Variants in SH3RF3 observed in about 807,000 individuals in gnomAD.
SH3RF3 encodes SH3 domain containing ring finger 3.
Under a neutral mutation model 66.3 loss-of-function variants are expected in SH3RF3, and 29 were observed. The observed-to-expected ratio is 0.44, with a 90% CI of 0.33 to 0.60. The LOEUF (loss-of-function observed/expected upper bound fraction) is 0.60. Ranked by LOEUF, SH3RF3 falls within the 20% of genes least tolerant of loss-of-function variation. SH3RF3 has a pLI of 0.04. For missense variants in SH3RF3, 1,194 were observed against 1,190.9 expected, an observed-to-expected ratio of 1.00 and a Z score of -0.04; for synonymous variants, 583 against 532.0, an observed-to-expected ratio of 1.10 and a Z score of -1.32.
intron 3 of SH3RF3, among the ~76,000 whole-genome samples, chr2:109,391,134 A>C (rs1675980944): frequency 6.6e-6 from 1 of 152,156 alleles, no homozygotes. Flanking sequence ...CAGATTTTTA[A>C]ATGTCAACTC....
chr2:109,432,755 T>C, intron 6 of SH3RF3, 84 bp downstream of exon 6: 1 of 1,491,100 alleles, frequency 6.7e-7, no homozygotes, highest in Non-Finnish European at 8.9e-7. Flanking sequence ...TGGAGGCTAC[T>C]CTGTCAGCCG....
In SH3RF3 at chr2:109,432,806, C is replaced by A. The variant is rs888559001; in HGVS notation, c.1574+135C>A. ...AAGGCCACCAGTGCCCAGGGTTCAG[C>A]CCCCACTGGCGTCCCCAGGCCCACA... On this transcript the variant is annotated intron_variant, in intron 6 of 9. Transcript: ENST00000309415. The A allele has an allele frequency of 4.9e-6, 6 of 1,224,878 alleles. No individual in the cohort carries two copies. The African/African-American group carries it at 6.1e-5, about 13-fold the overall frequency. The allele number at this position is 1,224,878 out of a possible 1,614,324, so 75.9% of individuals were successfully genotyped here.
intron 1 of SH3RF3, among the ~76,000 whole-genome samples, chr2:109,237,498 G>A (rs933071563): frequency 1.3e-5 from 2 of 152,218 alleles, no homozygotes; most frequent in African/African-American, 4.8e-5. Flanking sequence ...AAACAAGCTT[G>A]TCCAACCCGC....
At chr2:109,442,301 A>G (rs2104607047) in intron 7 of SH3RF3, among the ~76,000 whole-genome samples, 1 of 147,128 alleles carries the variant, frequency 6.8e-6, no homozygotes, top group East Asian at 2.0e-4. Context: ...ACGGAGTGAG[A>G]CTCCACCTCA....
chr2:109,167,345 ATGAAT>A (rs1163819793), intron 1 of SH3RF3, among the ~76,000 whole-genome samples: 1 of 152,212 alleles, frequency 6.6e-6, no homozygotes, highest in Non-Finnish European at 1.5e-5. Context: ...CAGGTGGAAC[ATGAAT>A]TGAATTATTA....
chr2:109,206,663 T>A (rs955779215), intron 1 of SH3RF3, among the ~76,000 whole-genome samples: 8 of 151,946 alleles, frequency 5.3e-5, no homozygotes, highest in South Asian at 2.1e-4. Flanking sequence ...AAATTTTTTT[T>A]AAATTAGCTG....
chr2:109,422,505 G>A (rs1293698819), intron 5 of SH3RF3, among the ~76,000 whole-genome samples: 8 of 152,124 alleles, frequency 5.3e-5, no homozygotes, highest in South Asian at 4.1e-4. Flanking sequence ...TCAGTTGCCC[G>A]GAAACACAAG....
intron 4 of SH3RF3, among the ~76,000 whole-genome samples, chr2:109,399,623 T>C (rs1676249388): frequency 6.6e-6 from 1 of 152,072 alleles, no homozygotes; most frequent in Non-Finnish European, 1.5e-5. Context: ...AATCAGTCAA[T>C]CAATAAAATA....
intron 1 of SH3RF3, among the ~76,000 whole-genome samples, chr2:109,142,703 T>C (rs760923952): frequency 1.3e-5 from 2 of 152,170 alleles, no homozygotes; most frequent in Non-Finnish European, 2.9e-5. Flanking sequence ...GAGCATGGGC[T>C]GTCGGGCCTG....
intron 1 of SH3RF3, among the ~76,000 whole-genome samples, chr2:109,166,176 G>C (rs945573386): frequency 6.6e-6 from 1 of 152,110 alleles, no homozygotes; most frequent in Non-Finnish European, 1.5e-5. Flanking sequence ...TCAGTGCTCA[G>C]TGTTTCAAAG....
intron 8 of SH3RF3, among the ~76,000 whole-genome samples, chr2:109,483,514 G>A (rs1678887487): frequency 6.6e-6 from 1 of 152,226 alleles, no homozygotes; most frequent in South Asian, 2.1e-4. Flanking sequence ...CTGCCTGTGG[G>A]TTGAGGTGGC....
chr2:109,129,417 G>C lies in SH3RF3; in HGVS notation c.-124G>C, dbSNP rs1044912324. ...CCACAGCCCTAGCATCGGGCCACCAGCCGGGGTGAAGAAAGTCACGGCGGA... is the reference window on the plus strand; with the variant it reads ...CCACAGCCCTAGCATCGGGCCACCACCCGGGGTGAAGAAAGTCACGGCGGA... On this transcript the variant is annotated 5_prime_UTR_variant, in exon 1 of 10. Coordinates refer to ENST00000309415, the MANE Select transcript of SH3RF3 (RefSeq NM_001099289.3). 9.6e-6 allele frequency: 14 copies of C among 1,459,934 alleles called. No individual in the cohort carries two copies. The South Asian group carries it at 1.8e-4, about 18-fold the overall frequency. The allele number at this position is 1,459,934 out of a possible 1,614,324, so 90.4% of individuals were successfully genotyped here.
intron 4 of SH3RF3, among the ~76,000 whole-genome samples, chr2:109,417,049 C>A (rs1166321254): frequency 6.6e-6 from 1 of 152,144 alleles, no homozygotes; most frequent in Non-Finnish European, 1.5e-5. Context: ...GTGTGTCGAG[C>A]CTGTTGTCCC....
In SH3RF3 at chr2:109,225,601, C is replaced by G. The variant is rs985879379; in HGVS notation, c.573+95488C>G. ...TGCTCCACGTTCCTCTCTGGGACTT[C>G]CCATTTGCAATGTCTTAAGTCACTT... On this transcript the variant is annotated intron_variant, in intron 1 of 9. Transcript: ENST00000309415. 2.6e-5 allele frequency among the ~76,000 whole-genome samples: 4 copies of G among 152,182 alleles called. No individual in the cohort carries two copies. The East Asian group carries it at 7.7e-4, about 29-fold the overall frequency.
chr2:109,229,139 A>G (rs535382515), intron 1 of SH3RF3, among the ~76,000 whole-genome samples: 1 of 152,236 alleles, frequency 6.6e-6, no homozygotes, highest in Admixed American at 6.5e-5. Context: ...ATCACTCAGA[A>G]AATTACCAGG....
intron 3 of SH3RF3, among the ~76,000 whole-genome samples, chr2:109,379,207 T>G (rs963550121): frequency 1.3e-5 from 2 of 152,230 alleles, no homozygotes; most frequent in African/African-American, 4.8e-5. Context: ...TCATTTCACC[T>G]TGGCTAAGCA....
chr2:109,250,771 G>GA (rs568459553), intron 1 of SH3RF3, among the ~76,000 whole-genome samples: 18 of 149,704 alleles, frequency 1.2e-4, no homozygotes, highest in East Asian at 9.8e-4. Context: ...AGCTATTTTA[G>GA]AAAAAAAAAG....
At chr2:109,478,267 G>A (rs1010999434) in intron 8 of SH3RF3, among the ~76,000 whole-genome samples, 12 of 152,168 alleles carry the variant, frequency 7.9e-5, no homozygotes, top group South Asian at 2.1e-4. Flanking sequence ...CCATAAAGCC[G>A]TCTAGCTGTC....
intron 3 of SH3RF3, among the ~76,000 whole-genome samples, chr2:109,388,424 G>A (rs1324553289): frequency 6.6e-6 from 1 of 152,206 alleles, no homozygotes; most frequent in Non-Finnish European, 1.5e-5. Context: ...CAGGTACTCA[G>A]TGAGTGCTGA....
Sources: allele counts gnomAD v4.1 joint callset (sites outside exome capture counted in the v4.1 genomes callset), GRCh38; gene constraint gnomAD v4.1.1; transcripts MANE v1.5; gene names NCBI Gene and HGNC (gene_info 2026-07-23, HGNC 2026-07-21).